Variants in CC2D2B observed in about 807,000 individuals in gnomAD.
CC2D2B encodes the protein coiled-coil and C2 domain containing 2B, also known as protein CC2D2B.
A neutral mutation model predicts 161.2 loss-of-function variants in CC2D2B; 128 were observed. That is an observed-to-expected ratio of 0.79 (90% CI 0.69 to 0.92). CC2D2B has a LOEUF of 0.92. CC2D2B is among the 40% of genes least tolerant of loss of function. CC2D2B has a pLI of 0.00. For missense variants in CC2D2B, 1,173 were observed against 1,375.1 expected (o/e 0.85, Z 2.32); for synonymous variants, 391 against 449.8 (o/e 0.87, Z 1.65).
At chr10:96,028,944 G>C (rs1171288525) in intron 34 of CC2D2B, among the ~76,000 whole-genome samples, 2 of 151,962 alleles carry the variant, frequency 1.3e-5, no homozygotes, top group African/African-American at 4.8e-5. Context: ...AACTCATGGA[G>C]ATAGAGAGTA....
At position 96,027,269 on chromosome 10, in the gene CC2D2B, T is replaced by C. The variant is rs752397754; in HGVS notation, c.4005T>C (p.His1335=). The change falls in exon 34 of 35, where the codon CAT becomes CAC. Residue 1335 remains histidine, a synonymous_variant. Transcript: ENST00000646931. ...VMEWRPKHPT[H]WNRQCTFILR... is the part of the protein sequence containing the mutation. ...AATGGCGACCTAAACACCCAACACA[T>C]TGGAATCGACAGTGTACTTTTATTT... The C allele has an allele frequency of 5.2e-6, 8 of 1,550,866 alleles. No homozygotes were observed. Among genetic ancestry groups the C allele is most frequent in the Non-Finnish European group, 6.1e-6 (7 of 1,146,594 alleles).
At chr10:95,934,079 A>G (rs2075716924) in intron 6 of CC2D2B, among the ~76,000 whole-genome samples, 1 of 152,214 alleles carries the variant, frequency 6.6e-6, no homozygotes, top group East Asian at 1.9e-4. Context: ...TGCCCTGGCC[A>G]GAGAGGAGGA....
At position 95,938,904 on chromosome 10, in the gene CC2D2B, A is replaced by G. The variant is rs900536514; in HGVS notation, c.780A>G (p.Leu260=). The change falls in exon 9 of 35, where the codon TTA becomes TTG. Residue 260 remains leucine, a synonymous_variant. Coordinates refer to ENST00000646931, the MANE Select transcript of CC2D2B (RefSeq NM_001349008.3). ...TAAGGAAGGAACCTTTAAATCCATTACTTAAGACCATATACAGGAAGGTAA... is the reference window on the plus strand; with the variant it reads ...TAAGGAAGGAACCTTTAAATCCATTGCTTAAGACCATATACAGGAAGGTAA... ...LNVRKEPLNP[L]LKTIYRKAVK... The G allele has an allele frequency of 2.0e-4, 137 of 701,310 alleles. No individual in the cohort carries two copies. The African/African-American group carries it at 2.2e-3, about 11-fold the overall frequency. The allele number at this position is 701,310 out of a possible 1,614,324, so 43.4% of individuals were successfully genotyped here.
chr10:95,940,846 G>C (rs980908024), intron 9 of CC2D2B, among the ~76,000 whole-genome samples: 3 of 151,926 alleles, frequency 2.0e-5, no homozygotes, highest in Non-Finnish European at 2.9e-5. Context: ...AACTCCCAAT[G>C]ACATTTTTTT....
intron 24 of CC2D2B, chr10:96,000,328 AT>A (rs1347038370): frequency 1.2e-4 from 38 of 316,682 alleles, no homozygotes; most frequent in African/African-American, 6.6e-4. Flanking sequence ...GTCTTTATTT[AT>A]TTATAATAAA....
intron 2 of CC2D2B, among the ~76,000 whole-genome samples, chr10:95,912,616 C>G (rs1315516011): frequency 6.6e-6 from 1 of 152,084 alleles, no homozygotes; most frequent in East Asian, 1.9e-4. Flanking sequence ...CTGAACGTTG[C>G]CACACGCTGC....
chr10:96,000,083 C>T, intron 24 of CC2D2B: 1 of 1,489,108 alleles, frequency 6.7e-7, no homozygotes, highest in South Asian at 1.2e-5. Context: ...GTGGTAACAC[C>T]TGTGGGCATT....
intron 17 of CC2D2B, among the ~76,000 whole-genome samples, chr10:95,979,013 A>G (rs999475515): frequency 6.6e-6 from 1 of 152,180 alleles, no homozygotes; most frequent in Non-Finnish European, 1.5e-5. Context: ...ACTTTCATAA[A>G]ATGAATTTCA....
intron 31 of CC2D2B, 56 bp from the exon 32 acceptor site, chr10:96,019,646 C>A (rs1360478424): frequency 4.7e-6 from 7 of 1,498,882 alleles, no homozygotes; most frequent in South Asian, 4.2e-5. Flanking sequence ...TCCTTACCAA[C>A]AATGGGCCTT....
At chr10:95,937,786 A>T (rs2141265269) in intron 6 of CC2D2B, among the ~76,000 whole-genome samples, 1 of 152,310 alleles carries the variant, frequency 6.6e-6, no homozygotes, top group South Asian at 2.1e-4. Flanking sequence ...GGGCTATAGA[A>T]AAATCATATT....
chr10:95,984,302 T>G (rs1482460450), intron 19 of CC2D2B, among the ~76,000 whole-genome samples: 1 of 152,202 alleles, frequency 6.6e-6, no homozygotes, highest in Non-Finnish European at 1.5e-5. Context: ...CTTTTCATAT[T>G]AGTTGCTTTA....
chr10:95,918,816 G>A (rs1258674143), intron 2 of CC2D2B: 2 of 150,680 alleles, frequency 1.3e-5, no homozygotes, highest in South Asian at 2.1e-4. Flanking sequence ...TTTTTCTTTT[G>A]TCTCCTCTGA....
At chr10:96,025,236 C>G in intron 33 of CC2D2B, among the ~76,000 whole-genome samples, 1 of 118,040 alleles carries the variant, frequency 8.5e-6, no homozygotes, top group African/African-American at 3.3e-5. Flanking sequence ...GGCATGATGG[C>G]ATATACCTGT....
chr10:95,941,317 G>T (rs1290848210), intron 9 of CC2D2B, among the ~76,000 whole-genome samples: 1 of 152,014 alleles, frequency 6.6e-6, no homozygotes, highest in African/African-American at 2.4e-5. Flanking sequence ...AAAAGCGTAG[G>T]CAACAAAACA....
intron 3 of CC2D2B, among the ~76,000 whole-genome samples, chr10:95,923,243 C>G (rs1343956102): frequency 7.2e-6 from 1 of 138,920 alleles, no homozygotes; most frequent in African/African-American, 2.5e-5. Context: ...TGCCCAGCCC[C>G]CAAATTTGTG....
At chr10:96,004,390 CA>C in intron 25 of CC2D2B, 142 bp downstream of exon 25, 1 of 541,392 alleles carries the variant, frequency 1.8e-6, no homozygotes. Flanking sequence ...AGGCAATTTG[CA>C]ATAAAATCAG....
chr10:95,983,863 C>A, intron 19 of CC2D2B, 54 bp downstream of exon 19: 2 of 735,102 alleles, frequency 2.7e-6, no homozygotes, highest in Non-Finnish European at 1.9e-6. Flanking sequence ...TAACGTTTTG[C>A]TGCTTTAACC....
At chr10:95,956,099 T>A (rs1243298962) in intron 11 of CC2D2B, among the ~76,000 whole-genome samples, 1 of 152,188 alleles carries the variant, frequency 6.6e-6, no homozygotes, top group Non-Finnish European at 1.5e-5. Flanking sequence ...TTATTTAGCC[T>A]AAAATCTATC....
chr10:95,977,054 T>G (rs1055832537), intron 17 of CC2D2B, among the ~76,000 whole-genome samples: 3 of 150,738 alleles, frequency 2.0e-5, no homozygotes, highest in African/African-American at 4.9e-5. Flanking sequence ...CCAGCCCAGC[T>G]TTAGTGCTTT....
Sources: allele counts gnomAD v4.1 joint callset (sites outside exome capture counted in the v4.1 genomes callset), GRCh38; gene constraint gnomAD v4.1.1; transcripts MANE v1.5; gene names NCBI Gene and HGNC (gene_info 2026-07-23, HGNC 2026-07-21).